The following WDR81 variants were observed in gnomAD, a reference collection of about 807,000 sequenced individuals.
WDR81 encodes the protein WD repeat-containing protein 81.
Under a neutral mutation model 140.8 loss-of-function variants are expected in WDR81, and 92 were observed. The ratio of observed to expected loss-of-function variants is 0.65; its 90% CI spans 0.55 to 0.78. The LOEUF (loss-of-function observed/expected upper bound fraction) is 0.78. Ranked by LOEUF, WDR81 falls within the 30% of genes least tolerant of loss-of-function variation. The pLI is 0.00. For missense variants in WDR81, 2,502 were observed against 2,636.4 expected (o/e 0.95, Z 1.12); for synonymous variants, 1,183 against 1,156.4 (o/e 1.02, Z -0.47).
In WDR81 at chr17:1,726,392, C is replaced by A; in HGVS notation, c.1433C>A (p.Ala478Asp). Residue 478 changes from alanine to aspartate, a missense_variant, in exon 1 of 10, where the codon GCC becomes GAC. This residue lies in a region of WDR81 where 218 missense variants were observed against 279.6 expected (regional missense o/e 0.78). Coordinates refer to ENST00000409644, the MANE Select transcript of WDR81 (RefSeq NM_001163809.2). ...RAQWEPHEYPASMERMQNWTP... is the reference protein window; with the variant it reads ...RAQWEPHEYPDSMERMQNWTP... ...CAGTGGGAGCCCCATGAGTATCCGGCCAGCATGGAGCGGATGCAGAACTGG... is the reference window on the plus strand; with the variant it reads ...CAGTGGGAGCCCCATGAGTATCCGGACAGCATGGAGCGGATGCAGAACTGG... 1 of 1,550,136 alleles carries A rather than the reference C, an allele frequency of 6.5e-7. No individual in the cohort carries two copies. The highest frequency in any genetic ancestry group is 8.7e-7 in the Non-Finnish European group (1 of 1,146,848).
chr17:1,736,684 G>T (rs1209597815), intron 9 of WDR81, among the ~76,000 whole-genome samples: 1 of 152,116 alleles, frequency 6.6e-6, no homozygotes, highest in Non-Finnish European at 1.5e-5. Flanking sequence ...TGGGCATGGG[G>T]ATCCTGTCCC....
In WDR81 at chr17:1,724,710, C is replaced by T; in HGVS notation, c.-250C>T. The T allele has an allele frequency of 9.2e-7, 1 of 1,088,862 alleles. No individual in the cohort carries two copies. The highest frequency in any genetic ancestry group is 1.1e-6 in the Non-Finnish European group (1 of 898,080). The allele number at this position is 1,088,862 out of a possible 1,614,324, so 67.5% of individuals were successfully genotyped here. On this transcript the variant is annotated 5_prime_UTR_variant, in exon 1 of 10. Coordinates refer to ENST00000409644, the MANE Select transcript of WDR81 (RefSeq NM_001163809.2). Reference sequence around the variant, plus strand: ...CGATCACGTGACCCGCGTCAGCTGACCCGTCACGGTGGAGCCCGGTGCTCG... The same window carrying T: ...CGATCACGTGACCCGCGTCAGCTGATCCGTCACGGTGGAGCCCGGTGCTCG...
Position 1,737,610 on chromosome 17 carries a change from C to T in WDR81, c.5751C>T (p.Thr1917=). The T allele has an allele frequency of 6.2e-7, 1 of 1,612,764 alleles. No homozygotes were observed. The highest frequency in any genetic ancestry group is 8.5e-7 in the Non-Finnish European group (1 of 1,179,994). Residue 1917 remains threonine, a synonymous_variant, in exon 10 of 10, where the codon ACC becomes ACT. Coordinates refer to ENST00000409644, the MANE Select transcript of WDR81 (RefSeq NM_001163809.2). ...CTGAGAACTTCCGCGGCACGCTCAC[C>T]AGCCTGGCCTTGCTGCCCACTAAAC... is the stretch of plus-strand genomic sequence containing the variant. The part of the protein sequence containing the change: ...LSSENFRGTL[T]SLALLPTKRH...
Position 1,735,347 on chromosome 17 carries a change from T to C in WDR81, c.5180-225T>C, listed in dbSNP as rs1904764349. ...GGGAGGCTGAGGCAAGAGAATTGCTTGAACCTGGGAGGTGGAGGTTGCAGT... is the reference window on the plus strand; with the variant it reads ...GGGAGGCTGAGGCAAGAGAATTGCTCGAACCTGGGAGGTGGAGGTTGCAGT... On this transcript the variant is annotated intron_variant, in intron 7 of 9. Coordinates refer to ENST00000409644, the MANE Select transcript of WDR81 (RefSeq NM_001163809.2). This position sits in a 1 kb window ranked among gnomAD's most constrained non-coding sequence, Gnocchi z 4.2. Among the ~76,000 whole-genome samples, 1 of 152,084 alleles carries C rather than the reference T, an allele frequency of 6.6e-6. No individual in the cohort carries two copies. Among genetic ancestry groups the C allele is most frequent in the African/African-American group, 2.4e-5 (1 of 41,406 alleles).
chr17:1,737,812 G>T lies in WDR81; in HGVS notation c.*127G>T. 1 of 1,228,436 alleles carries T rather than the reference G, an allele frequency of 8.1e-7. No individual in the cohort carries two copies. Among genetic ancestry groups the T allele is most frequent in the African/African-American group, 1.5e-5 (1 of 65,634 alleles). 76.1% of individuals were successfully genotyped at this position (1,228,436 alleles called of 1,614,324 possible). A position where few individuals can be genotyped will look rare whatever the true frequency, so the allele number is the denominator to read the frequency against. ...GTCCCACGCCCTGGGTGCCCACATGGCCTGCCAACTAGGGCCTGCAAATGG... is the reference window on the plus strand; with the variant it reads ...GTCCCACGCCCTGGGTGCCCACATGTCCTGCCAACTAGGGCCTGCAAATGG... On this transcript the variant is annotated 3_prime_UTR_variant, in exon 10 of 10. Coordinates refer to ENST00000409644, the MANE Select transcript of WDR81 (RefSeq NM_001163809.2).
At chr17:1,716,796 G>A (rs756936024) in intron 1 of WDR81, 134 of 801,838 alleles carry the variant, frequency 1.7e-4, no homozygotes, top group Admixed American at 5.9e-4. Flanking sequence ...AAGGTGGAGC[G>A]GACCAAGGAG....
At position 1,730,917 on chromosome 17, in the gene WDR81, A is replaced by G; in HGVS notation, c.3938A>G (p.Tyr1313Cys). 6.2e-7 allele frequency: 1 copy of G among 1,613,148 alleles called. No individual in the cohort carries two copies. Among genetic ancestry groups the G allele is most frequent in the Non-Finnish European group, 8.5e-7 (1 of 1,179,924 alleles). Residue 1313 changes from tyrosine to cysteine, a missense_variant, in exon 3 of 10, where the codon TAC (tyrosine) becomes TGC (cysteine). Physicochemically the swap from Tyr to Cys is radical, Grantham distance 194 (BLOSUM62 -2). This residue lies in a region of WDR81 where 1,737 missense variants were observed against 1,843.0 expected (regional missense o/e 0.94). Transcript: ENST00000409644. ...CTGTATGGGGAGCCTGTCCTCACCTACCAGTACCTGCCCTACATCAGCTAC... is the reference window on the plus strand; with the variant it reads ...CTGTATGGGGAGCCTGTCCTCACCTGCCAGTACCTGCCCTACATCAGCTAC... ...ARLYGEPVLT[Y>C]QYLPYISYLV...
At chr17:1,733,342 G>A (rs1904530966) in intron 6 of WDR81, among the ~76,000 whole-genome samples, 185 bp from the exon 7 acceptor site, 1 of 152,228 alleles carries the variant, frequency 6.6e-6, no homozygotes, top group Non-Finnish European at 1.5e-5. Context: ...ATGCTCATGT[G>A]TACATCACAA....
rs756608625 is a variant in WDR81, at chr17:1,733,983, G to A, written c.4946G>A (p.Gly1649Glu). The A allele has an allele frequency of 6.2e-7, 1 of 1,612,820 alleles. No individual in the cohort carries two copies. Among genetic ancestry groups the A allele is most frequent in the Non-Finnish European group, 8.5e-7 (1 of 1,179,974 alleles). Residue 1649 changes from glycine to glutamate, a missense_variant, in exon 7 of 10, where the codon GGG (glycine) becomes GAG (glutamate). Physicochemically the swap from Gly to Glu is moderately conservative, Grantham distance 98. Around this residue, in one of 3 missense-constraint regions of WDR81, gnomAD observed 1,737 missense variants for 1,843.0 expected, o/e 0.94. Transcript: ENST00000409644. ...IRLQSFPGHS[G>E]AVKCVAPLSS... Reference sequence around the variant, plus strand: ...CTGCAGAGCTTCCCGGGCCACTCGGGGGCCGTCAAGTGCGTGGCACCCCTA... The same window carrying A: ...CTGCAGAGCTTCCCGGGCCACTCGGAGGCCGTCAAGTGCGTGGCACCCCTA...
At position 1,717,173 on chromosome 17, in the gene WDR81, T is replaced by A. The variant is rs541818133; in HGVS notation, c.-124+540T>A. The A allele has an allele frequency of 3.2e-5, 5 of 155,092 alleles. No individual in the cohort carries two copies. The South Asian group carries it at 8.7e-4, about 27-fold the overall frequency. The allele number at this position is 155,092 out of a possible 1,614,324, so 9.6% of individuals were successfully genotyped here. On this transcript the variant is annotated intron_variant, in intron 1 of 10. Transcript: ENST00000309182. ...AAGCTCTTCACTGACTCAGGCCTACTTAGGGAAGAGATTCGAAGGTGGAGA... is the reference window on the plus strand; with the variant it reads ...AAGCTCTTCACTGACTCAGGCCTACATAGGGAAGAGATTCGAAGGTGGAGA...
intron 1 of WDR81, chr17:1,716,750 C>T (rs1914585066): frequency 2.5e-6 from 3 of 1,189,162 alleles, no homozygotes; most frequent in African/African-American, 1.5e-5. Flanking sequence ...CAAACTGACT[C>T]GCCGGCCTCT....
At position 1,725,387 on chromosome 17, in the gene WDR81, C is replaced by A; in HGVS notation, c.428C>A (p.Ala143Asp). 1 of 1,549,470 alleles carries A rather than the reference C, an allele frequency of 6.5e-7. No individual in the cohort carries two copies. Among genetic ancestry groups the A allele is most frequent in the African/African-American group, 1.4e-5 (1 of 73,198 alleles). ...ETLTRFMQEV[A>D]AQNYRNLWRH... is the part of the protein sequence containing the mutation. ...CTCACTCGCTTCATGCAGGAGGTTG[C>A]CGCCCAGAATTATCGCAACCTGTGG... Residue 143 changes from alanine to aspartate, a missense_variant, in exon 1 of 10, where the codon GCC becomes GAC. Physicochemically the swap from Ala to Asp is moderately radical, Grantham distance 126. Around this residue, in one of 3 missense-constraint regions of WDR81, gnomAD observed 547 missense variants for 513.8 expected, o/e 1.06. Transcript: ENST00000409644.
At position 1,735,548 on chromosome 17, in the gene WDR81, A is replaced by C; in HGVS notation, c.5180-24A>C. The C allele has an allele frequency of 6.4e-7, 1 of 1,574,772 alleles. No individual in the cohort carries two copies. Among genetic ancestry groups the C allele is most frequent in the Non-Finnish European group, 8.6e-7 (1 of 1,158,204 alleles). ...CTTCCGTCAGCTGCTGGGACCCCAG[A>C]TCCACTGTGACTTTCCTTCCCAGGG... On this transcript the variant is annotated intron_variant, in intron 7 of 9. Transcript: ENST00000409644. The surrounding 1 kb of genome is among the most constrained non-coding windows in gnomAD (Gnocchi z 4.2).
intron 1 of WDR81, among the ~76,000 whole-genome samples, chr17:1,730,003 A>AAAGAAGAAGAAGAAG (rs34994724): frequency 6.9e-6 from 1 of 145,048 alleles, no homozygotes; most frequent in East Asian, 2.0e-4. Context: ...AAAAAAAAAA[A>AAAGAAGAAGAAGAAG]AAGAAGAAGA....
rs1915283376 is a variant in WDR81, at chr17:1,726,519, C to T, written c.1560C>T (p.Ser520=). ...TGGATGTGCCAGCCTGGTGCAGCTCCAGCCAGGAGTTCGTAGCTGCCCACC... is the reference window on the plus strand; with the variant it reads ...TGGATGTGCCAGCCTGGTGCAGCTCTAGCCAGGAGTTCGTAGCTGCCCACC... ...PDLDVPAWCS[S]SQEFVAAHRA... The change falls in exon 1 of 10, where the codon TCC becomes TCT. Residue 520 remains serine (S), a synonymous_variant. Coordinates refer to ENST00000409644, the MANE Select transcript of WDR81 (RefSeq NM_001163809.2). The T allele has an allele frequency of 6.5e-7, 1 of 1,550,348 alleles. No homozygotes were observed. Among genetic ancestry groups the T allele is most frequent in the African/African-American group, 1.4e-5 (1 of 73,044 alleles).
In WDR81 at chr17:1,725,238, C is replaced by G. The variant is rs1915149779; in HGVS notation, c.279C>G (p.Arg93=). 6.5e-7 allele frequency: 1 copy of G among 1,541,828 alleles called. No homozygotes were observed. Among genetic ancestry groups the G allele is most frequent in the Non-Finnish European group, 8.7e-7 (1 of 1,146,900 alleles). ...CGGAAGTCAGGACTCTCCTGCAGCG[C>G]TCTGTGCAAAGGCTGCCTGCCGGCT... ...GEAEVRTLLQ[R]SVQRLPAGWT... The change falls in exon 1 of 10, where the codon CGC becomes CGG. Residue 93 remains arginine, a synonymous_variant. Transcript: ENST00000409644.
chr17:1,725,931 G>A lies in WDR81; in HGVS notation c.972G>A (p.Ala324=), dbSNP rs897511943. ...AGGCCCCTGTGGCAAGGGATGAGGC[G>A]GGCATTGTGTCTCAAGAGGAGCAGG... is the stretch of plus-strand genomic sequence containing the variant. ...NEEAPVARDE[A]GIVSQEEQGG... The change falls in exon 1 of 10, where the codon GCG becomes GCA. Residue 324 remains alanine (A), a synonymous_variant. Transcript: ENST00000409644. 9 of 1,550,678 alleles carry A rather than the reference G, an allele frequency of 5.8e-6. No homozygotes were observed. In the Admixed American group the frequency reaches 5.9e-5, roughly 10 times the overall value.
In WDR81 at chr17:1,726,181, A is replaced by G; in HGVS notation, c.1222A>G (p.Lys408Glu). The G allele has an allele frequency of 6.6e-7, 1 of 1,519,422 alleles. No homozygotes were observed. The allele number at this position is 1,519,422 out of a possible 1,614,324, so 94.1% of individuals were successfully genotyped here. ...DLRKSKFRLN[K>E]GDKQLDFTYE... ...GCGCAAGTCCAAGTTCCGCCTCAAC[A>G]AGGGGGATAAGCAACTGGACTTCAC... Residue 408 changes from lysine (K) to glutamate (E), a missense_variant, in exon 1 of 10, where the codon AAG becomes GAG. Transcript: ENST00000409644.
rs1402326166 is a variant in WDR81, at chr17:1,727,930, C to T, written c.2971C>T (p.Leu991=). ...GTACACGGACTGCTTTGTGGCCCAGCTGATGGTGCGGCTGGGCCTGCAGGC... is the reference window on the plus strand; with the variant it reads ...GTACACGGACTGCTTTGTGGCCCAGTTGATGGTGCGGCTGGGCCTGCAGGC... The part of the protein sequence containing the change: ...YLYTDCFVAQ[L]MVRLGLQAFL... The change falls in exon 1 of 10, where the codon CTG becomes TTG. Residue 991 remains leucine, a synonymous_variant. Transcript: ENST00000409644. 6.4e-7 allele frequency: 1 copy of T among 1,550,542 alleles called. No individual in the cohort carries two copies. The highest frequency in any genetic ancestry group is 8.7e-7 in the Non-Finnish European group (1 of 1,147,062).
Sources: allele counts gnomAD v4.1 joint callset (sites outside exome capture counted in the v4.1 genomes callset), GRCh38; gene constraint gnomAD v4.1.1; regional missense constraint gnomAD v4.1.1; non-coding constraint Gnocchi (gnomAD v3.1); transcripts MANE v1.5; gene names NCBI Gene and HGNC (gene_info 2026-07-23, HGNC 2026-07-21).